Variants in SELENOW observed in about 807,000 individuals in gnomAD.
SELENOW encodes the protein selenoprotein W, also known as selenoprotein W, 1.
In SELENOW, 20 loss-of-function variants were observed where a neutral mutation model predicts 16.6. The ratio of observed to expected loss-of-function variants is 1.21; its 90% CI spans 0.85 to 1.76. The LOEUF (loss-of-function observed/expected upper bound fraction) is 1.76. SELENOW is among the 40% of genes most tolerant of loss of function. The pLI, the probability that SELENOW is intolerant of heterozygous loss-of-function variation, is 0.00. For synonymous variants in SELENOW, 44 were observed against 46.2 expected (o/e 0.95, Z 0.19); for missense variants, 124 against 111.0 (o/e 1.12, Z -0.53).
chr19:47,780,456 T>C (rs1185814659), intron 1 of SELENOW: 3 of 540,722 alleles, frequency 5.5e-6, no homozygotes, highest in Non-Finnish European at 6.7e-6. Context: ...CCCCCTTCTC[T>C]GTCTCTTGCT....
chr19:47,778,831 G>GCGGCCCC lies in SELENOW; in HGVS notation c.29+20_29+26dup. The GCGGCCCC allele has an allele frequency of 6.3e-7, 1 of 1,598,172 alleles. No individual in the cohort carries two copies. Among genetic ancestry groups the GCGGCCCC allele is most frequent in the Non-Finnish European group, 8.5e-7 (1 of 1,173,412 alleles). ...CGTTTATTGGTAAGCCCAGCGGCCA[G>GCGGCCCC]CGGCCCCCGTCCCCGACCCCCGCCG... On this transcript the variant is annotated intron_variant, in intron 1 of 5. Coordinates refer to ENST00000601048, the MANE Select transcript of SELENOW (RefSeq NM_003009.4).
chr19:47,781,263 C>A lies in SELENOW; in HGVS notation c.184-27C>A, dbSNP rs374851137. On this transcript the variant is annotated intron_variant, in intron 4 of 5. Coordinates refer to ENST00000601048, the MANE Select transcript of SELENOW (RefSeq NM_003009.4). ...AGGTTGGTGTCTCGGTCCCAGCTCA[C>A]CCCTTCCCTCTTCCTCCCCTCCCTA... 1.1e-5 allele frequency: 18 copies of A among 1,605,328 alleles called. No homozygotes were observed. The East Asian group carries it at 3.6e-4, about 32-fold the overall frequency.
At chr19:47,780,132 G>T (rs1279304395) in intron 1 of SELENOW, 1 of 455,836 alleles carries the variant, frequency 2.2e-6, no homozygotes, top group Admixed American at 2.4e-5. Context: ...GCGGGGCCGG[G>T]TGCGGTGGCT....
rs185852744 is a variant in SELENOW at position 47,781,654 on chromosome 19, A to G, written c.*18+266A>G. 5.7e-4 allele frequency: 296 copies of G among 521,538 alleles called. 1 individual carries two copies. The highest frequency in any genetic ancestry group is 5.4e-3 in the African/African-American group (279 of 51,998). 32.3% of individuals were successfully genotyped at this position (521,538 alleles called of 1,614,324 possible). On this transcript the variant is annotated intron_variant, in intron 5 of 5. Transcript: ENST00000601048. ...TGGGGTCAAAGGTATGCAGGATGAC[A>G]GCTGAGATGGTGATGGGTCAGAGGT... is the stretch of plus-strand genomic sequence containing the variant.
chr19:47,779,892 G>A, intron 1 of SELENOW: 1 of 250,610 alleles, frequency 4.0e-6, no homozygotes, highest in Non-Finnish European at 8.4e-6. Context: ...GGTGGGGGCA[G>A]GTCAGTAGCT....
chr19:47,780,506 C>T (rs556800413), intron 1 of SELENOW: 1 of 588,930 alleles, frequency 1.7e-6, no homozygotes, highest in East Asian at 2.8e-5. Context: ...GTCCCCGCGC[C>T]ACCCCCTGTG....
intron 1 of SELENOW, chr19:47,780,270 A>G (rs1190988554): frequency 5.4e-6 from 2 of 367,950 alleles, no homozygotes; most frequent in East Asian, 1.5e-4. Context: ...AGAATCCAGG[A>G]GCCGCAGGGT....
In SELENOW at chr19:47,784,668, T is replaced by A. The variant is rs191265330; in HGVS notation, c.*397T>A. 1.3e-5 allele frequency: 2 copies of A among 152,166 alleles called. No homozygotes were observed. Among genetic ancestry groups the A allele is most frequent in the Non-Finnish European group, 2.9e-5 (2 of 68,044 alleles). 9.4% of individuals were successfully genotyped at this position (152,166 alleles called of 1,614,324 possible). On this transcript the variant is annotated 3_prime_UTR_variant, in exon 6 of 6. Coordinates refer to ENST00000601048, the MANE Select transcript of SELENOW (RefSeq NM_003009.4). ...GCAACCGTTCACGATTCAATAAATA[T>A]TGGATGAATTTAACTGAATGTGCCT... is the stretch of plus-strand genomic sequence containing the variant.
At chr19:47,778,983 G>A in intron 1 of SELENOW, 169 bp downstream of exon 1, 2 of 622,218 alleles carry the variant, frequency 3.2e-6, no homozygotes, top group Non-Finnish European at 5.5e-6. Context: ...AACAGAGGGC[G>A]GTCGTCCCTA....
chr19:47,779,100 G>A, intron 1 of SELENOW: 2 of 490,486 alleles, frequency 4.1e-6, no homozygotes, highest in Non-Finnish European at 7.3e-6. Context: ...CTCCGCTGGG[G>A]AAGGGGCTGG....
Position 47,784,637 on chromosome 19 carries a change from A to T in SELENOW, c.*366A>T, listed in dbSNP as rs1329224313. The T allele has an allele frequency of 6.6e-6, 1 of 152,182 alleles. No homozygotes were observed. Among genetic ancestry groups the T allele is most frequent in the African/African-American group, 2.4e-5 (1 of 41,450 alleles). 9.4% of individuals were successfully genotyped at this position (152,182 alleles called of 1,614,324 possible). A position where few individuals can be genotyped will look rare whatever the true frequency, so the allele number is the denominator to read the frequency against. ...GATGGGTGGGTTTCTGATTGTGGCA[A>T]CGTTTGCAACCGTTCACGATTCAAT... On this transcript the variant is annotated 3_prime_UTR_variant, in exon 6 of 6. Coordinates refer to ENST00000601048, the MANE Select transcript of SELENOW (RefSeq NM_003009.4).
In SELENOW at chr19:47,781,172, A is replaced by C. The variant is rs1409638778; in HGVS notation, c.173A>C (p.His58Pro). Residue 58 changes from histidine (H) to proline (P), a missense_variant, in exon 4 of 6, where the codon CAC becomes CCC. Transcript: ENST00000601048. ...GTGATGGTAGCCGGGAAGTTGATTC[A>C]CTCTAAGAAGGTATGTCTGTCTGTC... Reference protein sequence around the residue: ...FEVMVAGKLIHSKKKGDGYVD... With the variant: ...FEVMVAGKLIPSKKKGDGYVD... The C allele has an allele frequency of 6.2e-7, 1 of 1,612,870 alleles. No homozygotes were observed. The highest frequency in any genetic ancestry group is 8.5e-7 in the Non-Finnish European group (1 of 1,179,592).
chr19:47,782,265 A>G (rs1967485722), intron 5 of SELENOW: 1 of 152,280 alleles, frequency 6.6e-6, no homozygotes, highest in African/African-American at 2.4e-5. Flanking sequence ...AGCTCCAGAA[A>G]CTTACCCACT....
intron 1 of SELENOW, chr19:47,779,081 A>C: frequency 1.7e-5 from 8 of 484,346 alleles, no homozygotes; most frequent in South Asian, 8.6e-5. Context: ...CGAACCCCCG[A>C]CTCCGGGGCT....
chr19:47,781,425 G>A (rs572846065), intron 5 of SELENOW, 37 bp downstream of exon 5: 2 of 1,147,506 alleles, frequency 1.7e-6, no homozygotes, highest in African/African-American at 3.1e-5. Flanking sequence ...CCACCCTTTG[G>A]ATCTTCTCCC....
At chr19:47,780,545 G>A in intron 1 of SELENOW, 180 bp from the exon 2 acceptor site, 1 of 617,378 alleles carries the variant, frequency 1.6e-6, no homozygotes, top group Non-Finnish European at 2.9e-6. Flanking sequence ...CCTGGCTGGT[G>A]CCTGTCTTCT....
chr19:47,780,768 C>CA lies in SELENOW; in HGVS notation c.54+19_54+20insA, dbSNP rs560049065. The CA allele has an allele frequency of 3.8e-6, 6 of 1,573,526 alleles. No homozygotes were observed. The East Asian group carries it at 7.0e-5, about 18-fold the overall frequency. On this transcript the variant is annotated intron_variant, in intron 2 of 5. Coordinates refer to ENST00000601048, the MANE Select transcript of SELENOW (RefSeq NM_003009.4). ...GTCCAAGGTAAGCAGAGTGGATGCC[C>CA]GGGGGGCATTCCTGGGAGCTGGGGA...
chr19:47,781,157 C>T lies in SELENOW; in HGVS notation c.158C>T (p.Ala53Val). 2.5e-6 allele frequency: 4 copies of T among 1,613,866 alleles called. No homozygotes were observed. The South Asian group carries it at 4.4e-5, about 18-fold the overall frequency. ...ACCGGGTTCTTTGAAGTGATGGTAG[C>T]CGGGAAGTTGATTCACTCTAAGAAG... ...QATGFFEVMV[A>V]GKLIHSKKKG... is the part of the protein sequence containing the mutation. The change falls in exon 4 of 6, where the codon GCC becomes GTC. Residue 53 changes from alanine to valine, a missense_variant. Ala to Val is a moderately conservative substitution (Grantham distance 64). Coordinates refer to ENST00000601048, the MANE Select transcript of SELENOW (RefSeq NM_003009.4).
intron 5 of SELENOW, 78 bp downstream of exon 5, chr19:47,781,466 TGGAG>T: frequency 1.2e-6 from 1 of 813,496 alleles, no homozygotes; most frequent in Non-Finnish European, 2.0e-6. Flanking sequence ...TGGCCCAGGG[TGGAG>T]AGCCTGGGAG....
Sources: gnomAD v4.1 joint callset for allele counts on GRCh38, gnomAD v4.1.1 for gene constraint, MANE v1.5 for transcripts, NCBI Gene and HGNC (gene_info 2026-07-23, HGNC 2026-07-21) for gene names.